SLC2A13: variants seen among roughly 807,000 people sequenced by gnomAD.
SLC2A13 encodes the protein proton myo-inositol cotransporter.
A neutral mutation model predicts 64.4 loss-of-function variants in SLC2A13; 32 were observed. That is an observed-to-expected ratio of 0.50 (90% CI 0.37 to 0.67). The LOEUF (loss-of-function observed/expected upper bound fraction) is 0.67. Among genes scored for constraint, SLC2A13 ranks in the 30% least tolerant of loss-of-function variants. The pLI is 0.00. For missense variants in SLC2A13, 743 were observed against 829.2 expected, an observed-to-expected ratio of 0.90 and a Z score of 1.28; for synonymous variants, 338 against 327.1, an observed-to-expected ratio of 1.03 and a Z score of -0.36.
At chr12:39,849,777 G>A (rs1171456620) in intron 6 of SLC2A13, among the ~76,000 whole-genome samples, 1 of 151,968 alleles carries the variant, frequency 6.6e-6, no homozygotes, top group Non-Finnish European at 1.5e-5. Context: ...TGTTGTCTCT[G>A]TCTTTTAAGG....
At chr12:40,101,849 C>G (rs546110032) in intron 1 of SLC2A13, among the ~76,000 whole-genome samples, 86 of 151,946 alleles carry the variant, frequency 5.7e-4, no homozygotes, top group African/African-American at 2.0e-3. Flanking sequence ...AATCCTGTCT[C>G]TGTAATCAGT....
At chr12:39,972,623 A>G (rs28370720) in intron 3 of SLC2A13, among the ~76,000 whole-genome samples, 1,658 of 152,290 alleles carry the variant, frequency 0.011, 22 homozygotes, top group African/African-American at 0.037. Context: ...CAGTTACCCT[A>G]TCTATTAGAT....
chr12:40,076,614 A>T (rs142678861), intron 1 of SLC2A13, among the ~76,000 whole-genome samples: 1 of 152,244 alleles, frequency 6.6e-6, no homozygotes, highest in East Asian at 1.9e-4. Flanking sequence ...TGATGAACAT[A>T]TGTTTGCATG....
chr12:39,769,543 T>C (rs897741219), intron 7 of SLC2A13, among the ~76,000 whole-genome samples: 8 of 43,450 alleles, frequency 1.8e-4, no homozygotes, highest in African/African-American at 5.8e-4. Context: ...AAAAACATTG[T>C]AGGGTGTAGG....
At chr12:40,055,501 G>C (rs1407397206) in intron 1 of SLC2A13, among the ~76,000 whole-genome samples, 1 of 152,218 alleles carries the variant, frequency 6.6e-6, no homozygotes, top group Non-Finnish European at 1.5e-5. Context: ...CCTGTTAATG[G>C]AATGATCAGA....
At chr12:39,816,023 C>T (rs1942328282) in intron 7 of SLC2A13, among the ~76,000 whole-genome samples, 1 of 152,188 alleles carries the variant, frequency 6.6e-6, no homozygotes, top group South Asian at 2.1e-4. Flanking sequence ...ATTCTCTAGA[C>T]TTACAGTGTC....
intron 3 of SLC2A13, among the ~76,000 whole-genome samples, chr12:40,011,619 T>C (rs757898631): frequency 8.5e-5 from 13 of 152,206 alleles, no homozygotes; most frequent in Non-Finnish European, 1.5e-4. Flanking sequence ...CAGGACCCAA[T>C]AGGTCGTTTT....
chr12:40,055,606 T>C (rs1948322239), intron 1 of SLC2A13, among the ~76,000 whole-genome samples: 2 of 152,312 alleles, frequency 1.3e-5, no homozygotes, highest in South Asian at 4.1e-4. Flanking sequence ...ATTAGTACTA[T>C]GGAATGCATA....
At position 39,758,262 on chromosome 12, in the gene SLC2A13, C is replaced by CA. The variant is rs1940022596; in HGVS notation, c.*1763dup. 1 of 151,804 alleles carries CA rather than the reference C, an allele frequency of 6.6e-6. No individual in the cohort carries two copies. Among genetic ancestry groups the CA allele is most frequent in the South Asian group, 2.1e-4 (1 of 4,826 alleles). The allele number at this position is 151,804 out of a possible 1,614,324, so 9.4% of individuals were successfully genotyped here. A position where few individuals can be genotyped will look rare whatever the true frequency, so the allele number is the denominator to read the frequency against. ...ATGGATTTTTAGGGCACTAAATTGA[C>CA]AGTTTAAGCACATATTATACCTCTG... On this transcript the variant is annotated 3_prime_UTR_variant, in exon 10 of 10. Coordinates refer to ENST00000280871, the MANE Select transcript of SLC2A13 (RefSeq NM_052885.4).
At chr12:39,797,760 A>G (rs1941629923) in intron 7 of SLC2A13, among the ~76,000 whole-genome samples, 2 of 152,090 alleles carry the variant, frequency 1.3e-5, no homozygotes, top group South Asian at 2.1e-4. Flanking sequence ...ACACACACAC[A>G]CACACACACA....
At chr12:39,978,330 C>T (rs1215341316) in intron 3 of SLC2A13, among the ~76,000 whole-genome samples, 2 of 152,144 alleles carry the variant, frequency 1.3e-5, no homozygotes, top group African/African-American at 2.4e-5. Context: ...CCAAGATGGC[C>T]GAATAGGAAC....
intron 4 of SLC2A13, among the ~76,000 whole-genome samples, chr12:39,879,806 T>C (rs1944295618): frequency 6.7e-6 from 1 of 150,054 alleles, no homozygotes. Context: ...GAAGGCAAGA[T>C]TGTATTTTGC....
At chr12:40,064,612 T>A (rs1948481192) in intron 1 of SLC2A13, among the ~76,000 whole-genome samples, 1 of 152,114 alleles carries the variant, frequency 6.6e-6, no homozygotes, top group South Asian at 2.1e-4. Flanking sequence ...AAAATCAGAA[T>A]CCTTCACAGG....
At chr12:39,955,052 A>G (rs1194320192) in intron 3 of SLC2A13, among the ~76,000 whole-genome samples, 2 of 152,200 alleles carry the variant, frequency 1.3e-5, no homozygotes, top group Non-Finnish European at 2.9e-5. Context: ...AAATAAGAGC[A>G]GGATATGCAT....
chr12:39,942,410 T>G (rs1452084050), intron 4 of SLC2A13, among the ~76,000 whole-genome samples: 1 of 152,230 alleles, frequency 6.6e-6, no homozygotes, highest in Non-Finnish European at 1.5e-5. Flanking sequence ...TAGTTTTCCC[T>G]GTAGAGGTCT....
At chr12:40,097,982 T>A (rs1939008627) in intron 1 of SLC2A13, among the ~76,000 whole-genome samples, 1 of 152,022 alleles carries the variant, frequency 6.6e-6, no homozygotes, top group African/African-American at 2.4e-5. Flanking sequence ...CAAAGGTCCA[T>A]CAACAGACGA....
intron 6 of SLC2A13, among the ~76,000 whole-genome samples, chr12:39,842,057 A>T (rs551713262): frequency 1.3e-5 from 2 of 152,228 alleles, no homozygotes; most frequent in South Asian, 2.1e-4. Flanking sequence ...TCAGATTTAC[A>T]GAGGTTCAAC....
rs914429632 is a variant in SLC2A13 at position 39,961,702 on chromosome 12, T to C, written c.926-10337A>G. Among the ~76,000 whole-genome samples the C allele has an allele frequency of 3.3e-5, 5 of 151,936 alleles. No homozygotes were observed. The East Asian group carries it at 5.9e-4, about 18-fold the overall frequency. On this transcript the variant is annotated intron_variant, in intron 3 of 9. Coordinates refer to ENST00000280871, the MANE Select transcript of SLC2A13 (RefSeq NM_052885.4). ...TTTTTTTTTTAGAGGCAAGGTTTCA[T>C]GTTGCCCAGGCTGGTCTCAAACTCC...
At chr12:39,773,667 A>G (rs991969128) in intron 7 of SLC2A13, among the ~76,000 whole-genome samples, 2 of 152,226 alleles carry the variant, frequency 1.3e-5, no homozygotes, top group East Asian at 1.9e-4. Context: ...CATGCTGTCT[A>G]TATTGCCCCT....
Sources: allele counts gnomAD v4.1 joint callset (sites outside exome capture counted in the v4.1 genomes callset), GRCh38; gene constraint gnomAD v4.1.1; transcripts MANE v1.5; gene names NCBI Gene and HGNC (gene_info 2026-07-23, HGNC 2026-07-21).